The following DLGAP1 variants were observed in gnomAD, a reference collection of about 807,000 sequenced individuals.
The protein encoded by DLGAP1 is disks large-associated protein 1.
A neutral mutation model predicts 90.8 loss-of-function variants in DLGAP1; 11 were observed. The ratio of observed to expected loss-of-function variants is 0.12; its 90% CI spans 0.08 to 0.20. DLGAP1 has a LOEUF of 0.20. Ranked by LOEUF, DLGAP1 falls within the 10% of genes least tolerant of loss-of-function variation. DLGAP1 has a pLI of 1.00. For missense variants in DLGAP1, 1,050 were observed against 1,333.8 expected (o/e 0.79, Z 3.31); for synonymous variants, 558 against 540.7 (o/e 1.03, Z -0.44).
chr18:4,020,731 C>A (rs1203321131), intron 2 of DLGAP1, among the ~76,000 whole-genome samples: 1 of 152,174 alleles, frequency 6.6e-6, no homozygotes, highest in Non-Finnish European at 1.5e-5. Flanking sequence ...GATAATAAAT[C>A]CCCTTCTTAA....
At chr18:3,591,172 C>T (rs1381714398) in intron 7 of DLGAP1, among the ~76,000 whole-genome samples, 1 of 151,648 alleles carries the variant, frequency 6.6e-6, no homozygotes, top group East Asian at 1.9e-4. Context: ...AGAGGTAGTA[C>T]AAGTGAGATT....
At chr18:4,071,764 G>A (rs1432880786) in intron 2 of DLGAP1, among the ~76,000 whole-genome samples, 1 of 152,182 alleles carries the variant, frequency 6.6e-6, no homozygotes, top group Non-Finnish European at 1.5e-5. Context: ...AGGTGGAAGA[G>A]ACAATGAGAG....
chr18:4,397,181 C>T (rs2082459457), intron 1 of DLGAP1, among the ~76,000 whole-genome samples: 2 of 152,148 alleles, frequency 1.3e-5, no homozygotes, highest in Admixed American at 6.5e-5. Context: ...AAGTCCTTTG[C>T]ATAATACCTA....
intron 3 of DLGAP1, among the ~76,000 whole-genome samples, chr18:3,994,782 T>G (rs2074035564): frequency 6.6e-6 from 1 of 152,210 alleles, no homozygotes; most frequent in Admixed American, 6.5e-5. Context: ...TGTTCAAAAC[T>G]AAATAATGTC....
intron 7 of DLGAP1, among the ~76,000 whole-genome samples, chr18:3,589,979 C>T (rs545671513): frequency 1.1e-4 from 17 of 152,306 alleles, no homozygotes; most frequent in Middle Eastern, 6.8e-3. Flanking sequence ...GGCACCGTCT[C>T]GGCTCACTGC....
At chr18:4,033,863 C>T (rs1161743996) in intron 2 of DLGAP1, among the ~76,000 whole-genome samples, 1 of 151,168 alleles carries the variant, frequency 6.6e-6, no homozygotes, top group Non-Finnish European at 1.5e-5. Context: ...CTCAGCCTCC[C>T]GAGTAGCCGG....
chr18:3,897,081 C>T (rs781658473), intron 3 of DLGAP1: 11 of 152,246 alleles, frequency 7.2e-5, no homozygotes, highest in Non-Finnish European at 1.0e-4. Context: ...TTTGGATCTT[C>T]ATTTCTGAGG....
rs1216850869 is a variant in DLGAP1, at chr18:3,848,627, C to CAGTGAAT, written c.957+30478_957+30484dup. Among the ~76,000 whole-genome samples the CAGTGAAT allele has an allele frequency of 2.0e-5, 3 of 152,136 alleles. No individual in the cohort carries two copies. In the East Asian group the frequency reaches 5.8e-4, roughly 29 times the overall value. ...TGGGCTCCTGTAGAGTTCTGTACTT[C>CAGTGAAT]AGTGAATGGAACAACTGTCTTCTAC... On this transcript the variant is annotated intron_variant, in intron 4 of 12. Transcript: ENST00000315677.
At chr18:4,327,143 T>C (rs1273405985) in intron 1 of DLGAP1, among the ~76,000 whole-genome samples, 1 of 152,118 alleles carries the variant, frequency 6.6e-6, no homozygotes, top group African/African-American at 2.4e-5. Flanking sequence ...TGAGATGTAC[T>C]GCACAGCATG....
intron 1 of DLGAP1, among the ~76,000 whole-genome samples, chr18:4,309,341 T>G (rs2080341110): frequency 1.3e-5 from 2 of 152,124 alleles, no homozygotes; most frequent in Non-Finnish European, 2.9e-5. Context: ...CAGTGCTGAA[T>G]TTTGTGGGTC....
intron 1 of DLGAP1, among the ~76,000 whole-genome samples, chr18:4,334,969 G>T (rs537513865): frequency 6.6e-6 from 1 of 151,980 alleles, no homozygotes; most frequent in East Asian, 1.9e-4. Context: ...TTGAACAATT[G>T]TTAACACTGA....
At chr18:4,003,362 G>A (rs2074236503) in intron 3 of DLGAP1, among the ~76,000 whole-genome samples, 1 of 151,506 alleles carries the variant, frequency 6.6e-6, no homozygotes, top group Non-Finnish European at 1.5e-5. Context: ...GGAGAAAAGA[G>A]AGAAAAGAAG....
At chr18:3,644,086 ACTTTTGGTT>A (rs1380526044) in intron 7 of DLGAP1, among the ~76,000 whole-genome samples, 2 of 152,174 alleles carry the variant, frequency 1.3e-5, no homozygotes, top group African/African-American at 2.4e-5. Flanking sequence ...AATGTTTGTC[ACTTTTGGTT>A]CAAGGTTGTC....
chr18:4,060,464 A>C (rs1373550540), intron 2 of DLGAP1, among the ~76,000 whole-genome samples: 3 of 152,200 alleles, frequency 2.0e-5, no homozygotes. Flanking sequence ...AAAGATACCT[A>C]AATCTTCAAC....
intron 11 of DLGAP1, among the ~76,000 whole-genome samples, chr18:3,505,616 G>A (rs1246308355): frequency 7.2e-6 from 1 of 138,628 alleles, no homozygotes; most frequent in East Asian, 2.1e-4. Context: ...CCCAGCCTGG[G>A]CAACAGAGTG....
At chr18:4,204,159 C>G (rs1393576860) in intron 1 of DLGAP1, among the ~76,000 whole-genome samples, 1 of 152,208 alleles carries the variant, frequency 6.6e-6, no homozygotes, top group African/African-American at 2.4e-5. Context: ...ATAATTCTTT[C>G]AACTGTCTGT....
intron 3 of DLGAP1, among the ~76,000 whole-genome samples, chr18:3,920,560 C>T (rs1475646802): frequency 6.6e-6 from 1 of 152,038 alleles, no homozygotes; most frequent in Non-Finnish European, 1.5e-5. Context: ...CATTTCTCAC[C>T]CCTTAATTTT....
In DLGAP1 at chr18:4,370,012, C is replaced by T. The variant is rs979249019; in HGVS notation, c.-267+84994G>A. ...ACAGAAGGAGAAGCAGGGAGCAAGA[C>T]TGAAGGCGGGAAAACTAATTAGGAA... is the stretch of plus-strand genomic sequence containing the variant. On this transcript the variant is annotated intron_variant, in intron 1 of 12. Coordinates refer to ENST00000315677, the MANE Select transcript of DLGAP1 (RefSeq NM_004746.4). 4.6e-5 allele frequency among the ~76,000 whole-genome samples: 7 copies of T among 152,054 alleles called. No homozygotes were observed. The South Asian group carries it at 6.2e-4, about 14-fold the overall frequency.
intron 1 of DLGAP1, among the ~76,000 whole-genome samples, chr18:4,250,500 C>A (rs1386989333): frequency 6.6e-6 from 1 of 152,172 alleles, no homozygotes; most frequent in Non-Finnish European, 1.5e-5. Flanking sequence ...TTTTATACCT[C>A]GTGTTTCATT....
Sources: allele counts gnomAD v4.1 joint callset (sites outside exome capture counted in the v4.1 genomes callset), GRCh38; gene constraint gnomAD v4.1.1; transcripts MANE v1.5; gene names NCBI Gene and HGNC (gene_info 2026-07-23, HGNC 2026-07-21).